Variants in DPP4 observed in about 807,000 individuals in gnomAD.
The protein encoded by DPP4 is dipeptidyl peptidase 4.
In DPP4, 93 loss-of-function variants were observed where a neutral mutation model predicts 122.4. The observed-to-expected ratio is 0.76, with a 90% CI of 0.64 to 0.90. The LOEUF (loss-of-function observed/expected upper bound fraction) is 0.90. DPP4 is among the 40% of genes least tolerant of loss of function. DPP4 has a pLI of 0.00. For synonymous variants in DPP4, 321 were observed against 302.9 expected, an observed-to-expected ratio of 1.06 and a Z score of -0.62; for missense variants, 914 against 907.3, an observed-to-expected ratio of 1.01 and a Z score of -0.09.
In DPP4 at chr2:161,994,714, G is replaced by A. The variant is rs543217922; in HGVS notation, c.2199+247C>T. ...GAGAGACTGAACAATCACATGAACA[G>A]GAGAGCAGTGTCTTGATACTCCCAG... On this transcript the variant is annotated intron_variant, in intron 25 of 25. Coordinates refer to ENST00000360534, the MANE Select transcript of DPP4 (RefSeq NM_001935.4). Among the ~76,000 whole-genome samples, 82 of 152,274 alleles carry A rather than the reference G, an allele frequency of 5.4e-4. 1 individual carries two copies. The highest frequency in any genetic ancestry group is 2.0e-3 in the African/African-American group (82 of 41,562).
intron 20 of DPP4, 99 bp from the exon 21 acceptor site, chr2:162,009,394 C>A: frequency 1.8e-6 from 2 of 1,086,336 alleles, no homozygotes; most frequent in South Asian, 1.3e-5. Context: ...TTCTCTGCTT[C>A]ATTCTATTAG....
intron 2 of DPP4, among the ~76,000 whole-genome samples, chr2:162,060,635 C>T (rs907185888): frequency 1.3e-5 from 2 of 152,088 alleles, no homozygotes; most frequent in East Asian, 3.9e-4. Flanking sequence ...TCAATGATTC[C>T]TCCTTTACAG....
chr2:162,073,732 GGCGT>G (rs1685207669), intron 1 of DPP4: 1 of 688,484 alleles, frequency 1.5e-6, no homozygotes, highest in East Asian at 2.7e-5. Context: ...CCCGGGTTCG[GGCGT>G]GCGTTCTGTG....
chr2:162,065,581 T>A (rs1296215309), intron 2 of DPP4, among the ~76,000 whole-genome samples: 1 of 152,200 alleles, frequency 6.6e-6, no homozygotes, highest in Non-Finnish European at 1.5e-5. Context: ...GCCCAAAACA[T>A]CCTGATACAA....
At chr2:162,057,362 C>T (rs576857102) in intron 2 of DPP4, among the ~76,000 whole-genome samples, 13 of 152,216 alleles carry the variant, frequency 8.5e-5, no homozygotes, top group African/African-American at 2.4e-4. Flanking sequence ...ATATACATAC[C>T]CTTCCTTGCT....
At chr2:162,066,432 A>G (rs1684949599) in intron 2 of DPP4, among the ~76,000 whole-genome samples, 1 of 152,112 alleles carries the variant, frequency 6.6e-6, no homozygotes. Context: ...GGAGCTCAAA[A>G]TCATACTTGG....
At chr2:162,047,290 A>G (rs568831234) in intron 3 of DPP4, 113 bp downstream of exon 3, 22 of 595,230 alleles carry the variant, frequency 3.7e-5, no homozygotes, top group East Asian at 5.8e-5. Context: ...AAAACTCTCT[A>G]TAGAATTTTT....
intron 7 of DPP4, 147 bp from the exon 8 acceptor site, chr2:162,038,569 T>G (rs1249510493): frequency 4.6e-6 from 4 of 867,498 alleles, no homozygotes; most frequent in Non-Finnish European, 6.9e-6. Flanking sequence ...ACTCCTTCCC[T>G]CTCATTCTTA....
intron 25 of DPP4, 111 bp downstream of exon 25, chr2:161,994,850 T>G (rs976456070): frequency 2.0e-6 from 2 of 1,024,880 alleles, no homozygotes; most frequent in Admixed American, 4.7e-5. Context: ...AAAAAAATTT[T>G]TAATGTTTTT....
intron 18 of DPP4, among the ~76,000 whole-genome samples, chr2:162,015,713 C>T (rs563067793): frequency 6.6e-6 from 1 of 152,268 alleles, no homozygotes; most frequent in South Asian, 2.1e-4. Context: ...TACATCCTGT[C>T]TCAAGTCACC....
chr2:162,023,891 C>T (rs1280323650), intron 11 of DPP4, among the ~76,000 whole-genome samples: 1 of 152,188 alleles, frequency 6.6e-6, no homozygotes, highest in Non-Finnish European at 1.5e-5. Context: ...ATATTCCCAA[C>T]TAGAACAGAA....
rs1700962448 is a variant in DPP4 at position 161,994,982 on chromosome 2, A to G, written c.2178T>C (p.Val726=). 1.2e-6 allele frequency: 2 copies of G among 1,613,966 alleles called. No homozygotes were observed. Among genetic ancestry groups the G allele is most frequent in the African/African-American group, 1.3e-5 (1 of 74,918 alleles). Residue 726 remains valine, a synonymous_variant, in exon 25 of 26, where the codon GTT becomes GTC. Transcript: ENST00000360534. ...SAQISKALVD[V]GVDFQAMWYT... ...ATACCATTGCCTGGAAATCCACTCCAACATCGACCAGGGCTTTGGAGATCT... is the reference window on the plus strand; with the variant it reads ...ATACCATTGCCTGGAAATCCACTCCGACATCGACCAGGGCTTTGGAGATCT...
At chr2:162,043,543 G>C (rs900701105) in intron 5 of DPP4, among the ~76,000 whole-genome samples, 9 of 152,156 alleles carry the variant, frequency 5.9e-5, no homozygotes, top group African/African-American at 2.2e-4. Context: ...GGCCAACTAA[G>C]GGCCACCAGG....
Position 162,025,127 on chromosome 2 carries a change from T to C in DPP4, c.888-188A>G, listed in dbSNP as rs572634432. ...TCTTAAAGCTTAAAGTGTAATTTAA[T>C]TTGGAATGAAAATTAAAATATATCC... On this transcript the variant is annotated intron_variant, in intron 10 of 25. Transcript: ENST00000360534. 3.9e-5 allele frequency among the ~76,000 whole-genome samples: 6 copies of C among 152,316 alleles called. No individual in the cohort carries two copies. In the East Asian group the frequency reaches 1.2e-3, roughly 29 times the overall value.
intron 10 of DPP4, among the ~76,000 whole-genome samples, chr2:162,030,856 C>A: frequency 6.6e-6 from 1 of 152,206 alleles, no homozygotes; most frequent in East Asian, 1.9e-4. Context: ...CACACAAAAT[C>A]TCCATAGTGA....
chr2:162,049,195 C>T (rs1684294727), intron 2 of DPP4, among the ~76,000 whole-genome samples: 1 of 152,168 alleles, frequency 6.6e-6, no homozygotes, highest in Admixed American at 6.5e-5. Context: ...CAGGAAATGC[C>T]TTCCTTGTAA....
chr2:162,027,950 T>A (rs552574491), intron 10 of DPP4, among the ~76,000 whole-genome samples: 1 of 152,042 alleles, frequency 6.6e-6, no homozygotes, highest in African/African-American at 2.4e-5. Context: ...GCAAGGCAGT[T>A]CACCCGTGGC....
intron 10 of DPP4, among the ~76,000 whole-genome samples, chr2:162,029,796 ATCCCC>A (rs146136282): frequency 0.047 from 7,116 of 152,222 alleles, 324 homozygotes; most frequent in African/African-American, 0.12. Flanking sequence ...GCCCTTTCCA[ATCCCC>A]TAGATTCAGG....
intron 23 of DPP4, among the ~76,000 whole-genome samples, chr2:161,998,146 TATAGCCTA>T (rs1393105338): frequency 6.6e-6 from 1 of 152,174 alleles, no homozygotes; most frequent in Non-Finnish European, 1.5e-5. Context: ...GCAAGTGACG[TATAGCCTA>T]ATGGGGCAAT....
Sources: gnomAD v4.1 joint callset for allele counts (sites outside exome capture counted in the v4.1 genomes callset) on GRCh38, gnomAD v4.1.1 for gene constraint, MANE v1.5 for transcripts, NCBI Gene and HGNC (gene_info 2026-07-23, HGNC 2026-07-21) for gene names.